Variants in TTLL5 observed in about 807,000 individuals in gnomAD.
TTLL5 encodes the protein tubulin tyrosine ligase like 5, also known as tubulin polyglutamylase TTLL5.
A neutral mutation model predicts 168.4 loss-of-function variants in TTLL5; 132 were observed. The ratio of observed to expected loss-of-function variants is 0.78; its 90% CI spans 0.68 to 0.91. The LOEUF is 0.91. TTLL5 is among the 40% of genes least tolerant of loss of function. TTLL5 has a pLI of 0.00. For missense variants in TTLL5, 1,545 were observed against 1,581.5 expected, an observed-to-expected ratio of 0.98 and a Z score of 0.39; for synonymous variants, 546 against 558.6, an observed-to-expected ratio of 0.98 and a Z score of 0.32.
chr14:75,715,074 C>T (rs936640963), intron 9 of TTLL5, among the ~76,000 whole-genome samples: 2 of 152,110 alleles, frequency 1.3e-5, no homozygotes, highest in East Asian at 1.9e-4. Flanking sequence ...GGAAATCTGG[C>T]TCGCAGTATC....
intron 17 of TTLL5, among the ~76,000 whole-genome samples, chr14:75,745,917 A>G (rs1406863767): frequency 6.6e-6 from 1 of 152,088 alleles, no homozygotes; most frequent in Admixed American, 6.5e-5. Context: ...TTTTATTGAG[A>G]TCTAGTTTAT....
At chr14:75,902,279 C>T (rs2032958474) in intron 31 of TTLL5, 55 bp downstream of exon 31, 3 of 1,566,602 alleles carry the variant, frequency 1.9e-6, no homozygotes, top group Middle Eastern at 1.7e-4. Context: ...AGGTGTTGGG[C>T]TTGGCACATT....
At chr14:75,706,153 T>C (rs1886647951) in intron 7 of TTLL5, among the ~76,000 whole-genome samples, 1 of 152,218 alleles carries the variant, frequency 6.6e-6, no homozygotes, top group African/African-American at 2.4e-5. Context: ...CCTTCACTCA[T>C]TTCTGCATCT....
intron 29 of TTLL5, among the ~76,000 whole-genome samples, chr14:75,867,817 C>A (rs1373533289): frequency 6.6e-6 from 1 of 151,640 alleles, no homozygotes; most frequent in Non-Finnish European, 1.5e-5. Flanking sequence ...TACTGAATCT[C>A]AAGAGTTAGG....
chr14:75,823,106 C>T (rs1014201399), intron 28 of TTLL5, among the ~76,000 whole-genome samples: 2 of 152,172 alleles, frequency 1.3e-5, no homozygotes, highest in East Asian at 1.9e-4. Flanking sequence ...TAGAATTATA[C>T]AGTAGGGACT....
intron 2 of TTLL5, among the ~76,000 whole-genome samples, chr14:75,666,543 T>G (rs1446656959): frequency 6.6e-6 from 1 of 152,260 alleles, no homozygotes. Context: ...TTAAAAAGAT[T>G]ATTAACAATC....
At chr14:75,874,685 A>G (rs975026115) in intron 29 of TTLL5, among the ~76,000 whole-genome samples, 11 of 152,214 alleles carry the variant, frequency 7.2e-5, no homozygotes, top group Admixed American at 7.2e-4. Flanking sequence ...TGATCTGGCT[A>G]TTCTACTTTG....
intron 27 of TTLL5, among the ~76,000 whole-genome samples, chr14:75,809,871 A>G (rs979435033): frequency 6.6e-6 from 1 of 152,156 alleles, no homozygotes; most frequent in African/African-American, 2.4e-5. Context: ...CTCCAGTTCC[A>G]TCTATGTTCT....
chr14:75,786,913 G>T (rs955394687), intron 26 of TTLL5, among the ~76,000 whole-genome samples: 1 of 152,062 alleles, frequency 6.6e-6, no homozygotes, highest in South Asian at 2.1e-4. Flanking sequence ...TAGGCAGATC[G>T]CTTGAGGTTA....
In TTLL5 at chr14:75,794,567, G is replaced by A. The variant is rs151117188; in HGVS notation, c.3171+1467G>A. 2.2e-4 allele frequency among the ~76,000 whole-genome samples: 34 copies of A among 152,224 alleles called. 1 individual carries two copies. The East Asian group carries it at 5.2e-3, about 23-fold the overall frequency. ...AGATCCTAATCCTGTAGGAATCCAA[G>A]GTGACTGTATCCTGATTGGGAAGTC... is the stretch of plus-strand genomic sequence containing the variant. On this transcript the variant is annotated intron_variant, in intron 27 of 31. Transcript: ENST00000298832.
chr14:75,743,682 C>T (rs923561448), intron 15 of TTLL5, among the ~76,000 whole-genome samples: 7 of 146,744 alleles, frequency 4.8e-5, no homozygotes, highest in Admixed American at 1.4e-4. Flanking sequence ...CCTGGGTTCA[C>T]GCCATTCTCC....
intron 7 of TTLL5, among the ~76,000 whole-genome samples, chr14:75,702,716 C>T (rs1464545146): frequency 1.3e-5 from 2 of 152,108 alleles, no homozygotes; most frequent in South Asian, 2.1e-4. Flanking sequence ...CTCCCTCCCA[C>T]CTCTCCCTGG....
At chr14:75,843,802 T>C (rs189182843) in intron 28 of TTLL5, among the ~76,000 whole-genome samples, 22 of 152,284 alleles carry the variant, frequency 1.4e-4, no homozygotes, top group South Asian at 1.0e-3. Flanking sequence ...GTTTGAAATG[T>C]TTTTAGAAGT....
At chr14:75,700,572 G>A (rs1333619860) in intron 7 of TTLL5, among the ~76,000 whole-genome samples, 1 of 152,108 alleles carries the variant, frequency 6.6e-6, no homozygotes, top group Non-Finnish European at 1.5e-5. Flanking sequence ...CAAGGGAGGA[G>A]AGATGCAAAA....
At chr14:75,907,888 C>G (rs2033210352) in intron 31 of TTLL5, among the ~76,000 whole-genome samples, 1 of 152,220 alleles carries the variant, frequency 6.6e-6, no homozygotes, top group African/African-American at 2.4e-5. Flanking sequence ...CACCAAGCTC[C>G]AAACTAAACT....
At chr14:75,791,846 T>C (rs1892747611) in intron 26 of TTLL5, among the ~76,000 whole-genome samples, 1 of 152,202 alleles carries the variant, frequency 6.6e-6, no homozygotes, top group Non-Finnish European at 1.5e-5. Flanking sequence ...TTTCTACTTT[T>C]CTGAGTTTAA....
At chr14:75,812,970 G>A (rs770278992) in intron 27 of TTLL5, among the ~76,000 whole-genome samples, 1 of 152,130 alleles carries the variant, frequency 6.6e-6, no homozygotes, top group African/African-American at 2.4e-5. Context: ...AAGTCGCAAG[G>A]CTCAGTGGTA....
chr14:75,670,021 T>C (rs1435081108), intron 3 of TTLL5, among the ~76,000 whole-genome samples: 1 of 152,222 alleles, frequency 6.6e-6, no homozygotes, highest in Non-Finnish European at 1.5e-5. Flanking sequence ...TGTGACCTTT[T>C]TTGGCAGGCT....
intron 31 of TTLL5, chr14:75,906,414 G>A: frequency 1.6e-6 from 1 of 608,048 alleles, no homozygotes; most frequent in Non-Finnish European, 2.1e-6. Context: ...GAGAGACTGT[G>A]AATTGGAATT....
Sources: gnomAD v4.1 joint callset for allele counts (sites outside exome capture counted in the v4.1 genomes callset) on GRCh38, gnomAD v4.1.1 for gene constraint, MANE v1.5 for transcripts, NCBI Gene and HGNC (gene_info 2026-07-23, HGNC 2026-07-21) for gene names.